Variants in LOXHD1 observed in about 807,000 individuals in gnomAD.
The protein encoded by LOXHD1 is lipoxygenase homology domain-containing protein 1.
LOXHD1 carries 205 observed loss-of-function variants against 248.2 expected under a neutral mutation model. That is an observed-to-expected ratio of 0.83 (90% CI 0.74 to 0.93). The LOEUF (loss-of-function observed/expected upper bound fraction) is 0.93, where lower values mean the gene tolerates loss of function less well. Ranked by LOEUF, LOXHD1 falls within the 40% of genes least tolerant of loss-of-function variation. The pLI, the probability that LOXHD1 is intolerant of heterozygous loss-of-function variation, is 0.00. For synonymous variants in LOXHD1, 1,113 were observed against 1,162.8 expected (o/e 0.96, Z 0.87); for missense variants, 2,930 against 2,971.6 (o/e 0.99, Z 0.33).
intron 34 of LOXHD1, among the ~76,000 whole-genome samples, chr18:46,512,193 C>A (rs2035002624): frequency 6.6e-6 from 1 of 152,110 alleles, no homozygotes; most frequent in African/African-American, 2.4e-5. Flanking sequence ...CCCCAATTAC[C>A]CCTGCAGATA....
chr18:46,495,042 A>T (rs148170907), intron 37 of LOXHD1, among the ~76,000 whole-genome samples: 1 of 151,114 alleles, frequency 6.6e-6, no homozygotes, highest in Non-Finnish European at 1.5e-5. Flanking sequence ...TTTGTTTTGT[A>T]TTTTTAGTAG....
chr18:46,606,754 A>G (rs2038419818), intron 6 of LOXHD1, among the ~76,000 whole-genome samples: 1 of 152,198 alleles, frequency 6.6e-6, no homozygotes, highest in Admixed American at 6.5e-5. Flanking sequence ...TACATAATAT[A>G]CAGTATATAG....
chr18:46,653,006 C>T (rs2039131351), intron 1 of LOXHD1, among the ~76,000 whole-genome samples: 1 of 152,206 alleles, frequency 6.6e-6, no homozygotes, highest in African/African-American at 2.4e-5. Context: ...AATCCTAGCA[C>T]TTTGGGAGGC....
chr18:46,537,835 C>T (rs956683559), intron 26 of LOXHD1, among the ~76,000 whole-genome samples: 1 of 152,210 alleles, frequency 6.6e-6, no homozygotes, highest in African/African-American at 2.4e-5. Flanking sequence ...AGTCTGGGAG[C>T]TATGTTCCAC....
At chr18:46,499,252 G>T (rs971902587) in intron 37 of LOXHD1, among the ~76,000 whole-genome samples, 10 of 152,182 alleles carry the variant, frequency 6.6e-5, no homozygotes, top group African/African-American at 2.2e-4. Flanking sequence ...CTTCATTTGG[G>T]ATAATCAGGG....
intron 26 of LOXHD1, among the ~76,000 whole-genome samples, chr18:46,535,753 T>C (rs1267572792): frequency 6.6e-6 from 1 of 152,146 alleles, no homozygotes; most frequent in African/African-American, 2.4e-5. Flanking sequence ...GTATTTTTAG[T>C]AGAGACAGGG....
At chr18:46,525,738 G>A (rs1270318687) in intron 29 of LOXHD1, among the ~76,000 whole-genome samples, 3 of 152,124 alleles carry the variant, frequency 2.0e-5, no homozygotes, top group Admixed American at 6.5e-5. Context: ...GACACTGAGG[G>A]ACACCTACTT....
chr18:46,585,919 T>C (rs1173495298), intron 12 of LOXHD1, among the ~76,000 whole-genome samples: 1 of 152,200 alleles, frequency 6.6e-6, no homozygotes, highest in Non-Finnish European at 1.5e-5. Context: ...AGGTATATGC[T>C]CAAGAGAACT....
intron 28 of LOXHD1, among the ~76,000 whole-genome samples, chr18:46,530,603 C>T (rs756869395): frequency 5.3e-5 from 8 of 152,104 alleles, no homozygotes; most frequent in Admixed American, 1.3e-4. Flanking sequence ...CCCTCCCTGC[C>T]GTGAATGAGA....
chr18:46,481,975 A>C (rs1474837236), intron 40 of LOXHD1, among the ~76,000 whole-genome samples: 1 of 152,234 alleles, frequency 6.6e-6, no homozygotes, highest in Non-Finnish European at 1.5e-5. Flanking sequence ...GAGCAGTATC[A>C]GCAGACACAG....
intron 4 of LOXHD1, among the ~76,000 whole-genome samples, chr18:46,629,384 C>T (rs1244259423): frequency 1.3e-5 from 2 of 152,244 alleles, no homozygotes; most frequent in African/African-American, 4.8e-5. Context: ...GGCTTCTTGA[C>T]AGAGCCTTTG....
rs976600352 is a variant in LOXHD1, at chr18:46,518,846, C to T, written c.5272-590G>A. On this transcript the variant is annotated intron_variant, in intron 33 of 40. Coordinates refer to ENST00000642948, the MANE Select transcript of LOXHD1 (RefSeq NM_001384474.1). ...ACAGCCTGCACATGCCCTGCAGCTG[C>T]GAATGAGGGGTGCCATCGGGAGTGA... The T allele has an allele frequency of 2.0e-5, 20 of 979,826 alleles. No individual in the cohort carries two copies. In the Admixed American group the frequency reaches 2.4e-4, roughly 12 times the overall value. The allele number at this position is 979,826 out of a possible 1,614,324, so 60.7% of individuals were successfully genotyped here. A position where few individuals can be genotyped will look rare whatever the true frequency, so the allele number is the denominator to read the frequency against.
Position 46,560,372 on chromosome 18 carries a change from C to T in LOXHD1, c.2772G>A (p.Arg924=). 6.4e-7 allele frequency: 1 copy of T among 1,552,708 alleles called. No individual in the cohort carries two copies. The highest frequency in any genetic ancestry group is 1.4e-5 in the African/African-American group (1 of 73,268). Residue 924 remains arginine, a synonymous_variant, in exon 19 of 41, where the codon CGG becomes CGA. Coordinates refer to ENST00000642948, the MANE Select transcript of LOXHD1 (RefSeq NM_001384474.1). The part of the protein sequence containing the change: ...ARKKKEKDKL[R]QLLKKERLKA... Reference sequence around the variant, plus strand: ...TCAGCCGCTCCTTCTTGAGCAGCTGCCGCAGCTTGTCCTTCTCCTTCTTCT... The same window carrying T: ...TCAGCCGCTCCTTCTTGAGCAGCTGTCGCAGCTTGTCCTTCTCCTTCTTCT...
intron 12 of LOXHD1, among the ~76,000 whole-genome samples, chr18:46,583,812 C>T (rs2038007436): frequency 6.6e-6 from 1 of 151,178 alleles, no homozygotes; most frequent in Admixed American, 6.6e-5. Context: ...AGAAGAACCA[C>T]ATGATCCAAT....
intron 12 of LOXHD1, among the ~76,000 whole-genome samples, chr18:46,584,317 T>C (rs1402359295): frequency 6.6e-6 from 1 of 152,076 alleles, no homozygotes; most frequent in Non-Finnish European, 1.5e-5. Flanking sequence ...TGTTCTATTA[T>C]ACAGTATAAT....
At chr18:46,560,843 C>G (rs2037512882) in intron 18 of LOXHD1, among the ~76,000 whole-genome samples, 1 of 142,600 alleles carries the variant, frequency 7.0e-6, no homozygotes, top group South Asian at 2.2e-4. Context: ...CGTATACACA[C>G]ACACACGCAC....
In LOXHD1 at chr18:46,656,878, G is replaced by GC. The variant is rs1469113023; in HGVS notation, c.130+25dup. 1.6e-5 allele frequency: 24 copies of GC among 1,548,186 alleles called. No individual in the cohort carries two copies. The East Asian group carries it at 3.9e-4, about 25-fold the overall frequency. On this transcript the variant is annotated intron_variant, in intron 1 of 40. Coordinates refer to ENST00000642948, the MANE Select transcript of LOXHD1 (RefSeq NM_001384474.1). ...CCCACCGCAGCCAGCTGCACCACCCGCCCCCCGCAGGCTGGGACCCCGCAC... is the reference window on the plus strand; with the variant it reads ...CCCACCGCAGCCAGCTGCACCACCCGCCCCCCCGCAGGCTGGGACCCCGCAC...
In LOXHD1 at chr18:46,481,698, CAA is replaced by C. The variant is rs2032583609; in HGVS notation, c.6341+1887_6341+1888del. Among the ~76,000 whole-genome samples the C allele has an allele frequency of 2.0e-5, 3 of 152,304 alleles. 1 individual carries two copies. On this transcript the variant is annotated intron_variant, in intron 40 of 40. Transcript: ENST00000642948. ...CTCCCCGCTCCAGCCCTGGTGACAA[CAA>C]AAGACAGGCTGCATTCCTGAGGCTG...
rs770420798 is a variant in LOXHD1, at chr18:46,547,066, G to A, written c.3351-8C>T. 7.7e-6 allele frequency: 12 copies of A among 1,551,678 alleles called. No homozygotes were observed. Among genetic ancestry groups the A allele is most frequent in the Non-Finnish European group, 1.0e-5 (12 of 1,146,950 alleles). ...TGGCATGGAAAGTAGTACCTGTGGG[G>A]GTGGATAGGGAAAGATTGGAATGTC... On this transcript the variant is annotated splice_polypyrimidine_tract_variant and splice_region_variant and intron_variant, in intron 21 of 40. Coordinates refer to ENST00000642948, the MANE Select transcript of LOXHD1 (RefSeq NM_001384474.1).
Sources: gnomAD v4.1 joint callset for allele counts (sites outside exome capture counted in the v4.1 genomes callset) on GRCh38, gnomAD v4.1.1 for gene constraint, MANE v1.5 for transcripts, NCBI Gene and HGNC (gene_info 2026-07-23, HGNC 2026-07-21) for gene names.